The following THADA variants were observed in gnomAD, a reference collection of about 807,000 sequenced individuals.
THADA encodes the protein tRNA (32-2'-O)-methyltransferase regulator THADA.
A neutral mutation model predicts 219.8 loss-of-function variants in THADA; 213 were observed. The ratio of observed to expected loss-of-function variants is 0.97; its 90% CI spans 0.87 to 1.09. The LOEUF (loss-of-function observed/expected upper bound fraction) is 1.09, where lower values mean the gene tolerates loss of function less well. Ranked by LOEUF, THADA falls within the 50% of genes least tolerant of loss-of-function variation. The pLI is 0.00. For missense variants in THADA, 2,956 were observed against 2,311.3 expected, an observed-to-expected ratio of 1.28 and a Z score of -5.72; for synonymous variants, 1,018 against 828.9, an observed-to-expected ratio of 1.23 and a Z score of -3.92.
At position 43,240,142 on chromosome 2, in the gene THADA, C is replaced by G. The variant is rs141614579; in HGVS notation, c.5297-7260G>C. ...GAGGTGGCTTCACAGACAGGCTAAG[C>G]AGGGTGGGTGAGAGGACACACACAA... On this transcript the variant is annotated intron_variant, in intron 36 of 37. Transcript: ENST00000405975. Among the ~76,000 whole-genome samples the G allele has an allele frequency of 5.3e-3, 807 of 152,244 alleles. 11 individuals carry two copies. The highest frequency in any genetic ancestry group is 0.018 in the African/African-American group (736 of 41,544).
At chr2:43,385,620 A>AG (rs1267371818) in intron 29 of THADA, among the ~76,000 whole-genome samples, 1 of 151,308 alleles carries the variant, frequency 6.6e-6, no homozygotes, top group East Asian at 1.9e-4. Context: ...AAAAAAAAAA[A>AG]AAAAAAAAAA....
At chr2:43,579,876 T>A (rs1700227068) in intron 8 of THADA, among the ~76,000 whole-genome samples, 1 of 152,206 alleles carries the variant, frequency 6.6e-6, no homozygotes. Flanking sequence ...CAGTTCTGGA[T>A]GACCTGCCTC....
chr2:43,579,173 C>T (rs1304169708), intron 8 of THADA, among the ~76,000 whole-genome samples: 2 of 152,160 alleles, frequency 1.3e-5, no homozygotes, highest in Non-Finnish European at 2.9e-5. Flanking sequence ...ACTCAATAAA[C>T]GTGATTCCTT....
chr2:43,323,149 T>G (rs1368372948), intron 30 of THADA, among the ~76,000 whole-genome samples: 3 of 152,122 alleles, frequency 2.0e-5, no homozygotes, highest in Admixed American at 1.3e-4. Flanking sequence ...TTTTTTGTTT[T>G]GTTTTGTTCT....
At position 43,560,095 on chromosome 2, in the gene THADA, T is replaced by C. The variant is rs200713265; in HGVS notation, c.2463+139A>G. The C allele has an allele frequency of 5.1e-5, 32 of 632,674 alleles. No homozygotes were observed. The East Asian group carries it at 9.4e-4, about 19-fold the overall frequency. The allele number at this position is 632,674 out of a possible 1,614,324, so 39.2% of individuals were successfully genotyped here. Reference sequence around the variant, plus strand: ...CACTAACCCCAAAATAGTAGAGAGGTGTTAATGATAACTGAAAGAAACAGT... The same window carrying C: ...CACTAACCCCAAAATAGTAGAGAGGCGTTAATGATAACTGAAAGAAACAGT... On this transcript the variant is annotated intron_variant, in intron 16 of 37. Transcript: ENST00000405975.
chr2:43,236,793 G>A (rs907782905), intron 36 of THADA, among the ~76,000 whole-genome samples: 1 of 152,042 alleles, frequency 6.6e-6, no homozygotes, highest in African/African-American at 2.4e-5. Flanking sequence ...CGGGCACGGT[G>A]GCTCACGCCT....
At chr2:43,406,671 C>G (rs1675573104) in intron 28 of THADA, among the ~76,000 whole-genome samples, 1 of 152,208 alleles carries the variant, frequency 6.6e-6, no homozygotes, top group Admixed American at 6.5e-5. Flanking sequence ...AGGGAATCAT[C>G]TTTCCTAAGC....
chr2:43,401,687 G>A (rs1029380255), intron 28 of THADA, among the ~76,000 whole-genome samples: 1 of 152,158 alleles, frequency 6.6e-6, no homozygotes, highest in East Asian at 1.9e-4. Flanking sequence ...CAACATTCCT[G>A]TAGACAAAAG....
At chr2:43,393,783 A>G (rs1673698907) in intron 29 of THADA, among the ~76,000 whole-genome samples, 1 of 152,150 alleles carries the variant, frequency 6.6e-6, no homozygotes, top group Non-Finnish European at 1.5e-5. Context: ...CAACAACAAC[A>G]AAAGACCCAA....
Position 43,498,927 on chromosome 2 carries a change from A to G in THADA, c.3650T>C (p.Leu1217Ser). 6.3e-7 allele frequency: 1 copy of G among 1,583,346 alleles called. No homozygotes were observed. Among genetic ancestry groups the G allele is most frequent in the Non-Finnish European group, 8.6e-7 (1 of 1,164,038 alleles). Residue 1217 changes from leucine to serine, a missense_variant, in exon 25 of 38, where the codon TTG (leucine) becomes TCG (serine). Coordinates refer to ENST00000405975, the MANE Select transcript of THADA (RefSeq NM_022065.5). ...QVHALNILRA[L>S]FRDTRLGENI... Reference sequence around the variant, plus strand: ...TTCTCCCAGGCGCGTATCTCTGAACAATGCTCTAAGGATATTTAAAGCATG... The same window carrying G: ...TTCTCCCAGGCGCGTATCTCTGAACGATGCTCTAAGGATATTTAAAGCATG...
chr2:43,300,743 G>T (rs2104404788), intron 31 of THADA, among the ~76,000 whole-genome samples: 1 of 152,286 alleles, frequency 6.6e-6, no homozygotes, highest in Admixed American at 6.5e-5. Context: ...CCAAAAGGGA[G>T]GAAATTATCA....
At chr2:43,282,664 C>G (rs1459099337) in intron 35 of THADA, among the ~76,000 whole-genome samples, 2 of 152,132 alleles carry the variant, frequency 1.3e-5, no homozygotes, top group African/African-American at 2.4e-5. Context: ...TGAAGCACAG[C>G]TGTAGAACCT....
intron 26 of THADA, among the ~76,000 whole-genome samples, chr2:43,441,927 G>A (rs772096510): frequency 7.9e-5 from 12 of 152,050 alleles, no homozygotes; most frequent in Non-Finnish European, 1.2e-4. Flanking sequence ...CTTCATGTTG[G>A]GCGCAATCCT....
At chr2:43,376,806 C>G (rs1033733410) in intron 29 of THADA, among the ~76,000 whole-genome samples, 4 of 152,076 alleles carry the variant, frequency 2.6e-5, no homozygotes, top group East Asian at 3.9e-4. Flanking sequence ...ATGAGTTTGT[C>G]CAGGGAATTA....
chr2:43,486,460 A>C (rs954155157), intron 25 of THADA: 1 of 152,236 alleles, frequency 6.6e-6, no homozygotes, highest in Non-Finnish European at 1.5e-5. Flanking sequence ...GTAAGGCCCT[A>C]TACCAGCACC....
At chr2:43,440,897 T>G (rs1222125160) in intron 26 of THADA, among the ~76,000 whole-genome samples, 1 of 152,200 alleles carries the variant, frequency 6.6e-6, no homozygotes, top group Non-Finnish European at 1.5e-5. Context: ...TTCTTTTAAT[T>G]GAATTAAGCT....
At chr2:43,428,680 C>T (rs928525641) in intron 27 of THADA, among the ~76,000 whole-genome samples, 10 of 151,582 alleles carry the variant, frequency 6.6e-5, no homozygotes, top group South Asian at 4.2e-4. Context: ...TTTTTTTCTA[C>T]GTTCACTTCT....
At chr2:43,310,228 C>CTTTT (rs1223814966) in intron 31 of THADA, among the ~76,000 whole-genome samples, 1 of 110,402 alleles carries the variant, frequency 9.1e-6, no homozygotes, top group Non-Finnish European at 1.8e-5. Flanking sequence ...CCTTTCCCGC[C>CTTTT]CCCCCCCCAA....
intron 19 of THADA, among the ~76,000 whole-genome samples, chr2:43,550,597 G>A (rs1035344783): frequency 1.2e-4 from 18 of 152,168 alleles, no homozygotes; most frequent in African/African-American, 3.9e-4. Context: ...CAGGCAGAAT[G>A]AAGGAAAAGT....
Sources: gnomAD v4.1 joint callset for allele counts (sites outside exome capture counted in the v4.1 genomes callset) on GRCh38, gnomAD v4.1.1 for gene constraint, MANE v1.5 for transcripts, NCBI Gene and HGNC (gene_info 2026-07-23, HGNC 2026-07-21) for gene names.